The following MTBP variants were observed in gnomAD, a reference collection of about 807,000 sequenced individuals.
The protein encoded by MTBP is MDM2 binding protein, also known as mdm2-binding protein.
Under a neutral mutation model 117.0 loss-of-function variants are expected in MTBP, and 101 were observed. The observed-to-expected ratio is 0.86, with a 90% CI of 0.73 to 1.02. The LOEUF is 1.02. MTBP is among the 50% of genes least tolerant of loss of function. The pLI is 0.00. For missense variants in MTBP, 970 were observed against 1,030.9 expected (o/e 0.94, Z 0.81); for synonymous variants, 350 against 351.5 (o/e 1.00, Z 0.05).
chr8:120,468,724 G>A (rs916695753), intron 10 of MTBP, among the ~76,000 whole-genome samples: 4 of 152,096 alleles, frequency 2.6e-5, no homozygotes, highest in Admixed American at 2.6e-4. Context: ...GCATCTCATC[G>A]ATTTGCTGAG....
At position 120,446,453 on chromosome 8, in the gene MTBP, T is replaced by G. The variant is rs777316591; in HGVS notation, c.139T>G (p.Tyr47Asp). 6.2e-7 allele frequency: 1 copy of G among 1,609,480 alleles called. No homozygotes were observed. The highest frequency in any genetic ancestry group is 8.5e-7 in the Non-Finnish European group (1 of 1,176,060). The change falls in exon 2 of 22, where the codon TAT becomes GAT. Residue 47 changes from tyrosine to aspartate, a missense_variant. Tyr to Asp is a radical substitution (Grantham distance 160). Transcript: ENST00000305949. ...TTCAGACTTCACAGCAGCAAATGTT[T>G]ATCACCTCTTGAAAAGAAGCATTAG... ...NQPDFTAANV[Y>D]HLLKRSISAS...
chr8:120,489,953 T>C (rs540205998), intron 12 of MTBP, among the ~76,000 whole-genome samples: 1 of 152,166 alleles, frequency 6.6e-6, no homozygotes, highest in Non-Finnish European at 1.5e-5. Context: ...TATTTCAAGA[T>C]AGTACATTTC....
In MTBP at chr8:120,505,816, G is replaced by A. The variant is rs148851409; in HGVS notation, c.1728-890G>A. Among the ~76,000 whole-genome samples, 1,018 of 152,142 alleles carry A rather than the reference G, an allele frequency of 6.7e-3. 3 individuals are homozygous for A. The highest frequency in any genetic ancestry group is 0.028 in the South Asian group (133 of 4,820). ...GAAACTACAGTGCTTTTCACTTGCC[G>A]GTATTTAAAACTTTCTGTGAGTTTT... On this transcript the variant is annotated intron_variant, in intron 15 of 21. Coordinates refer to ENST00000305949, the MANE Select transcript of MTBP (RefSeq NM_022045.5).
At chr8:120,462,249 C>A (rs951851010) in intron 9 of MTBP, among the ~76,000 whole-genome samples, 1 of 152,068 alleles carries the variant, frequency 6.6e-6, no homozygotes, top group African/African-American at 2.4e-5. Context: ...ATTTTGGAAA[C>A]CTGAGCAAAG....
chr8:120,467,864 C>T (rs1586946308), intron 10 of MTBP, among the ~76,000 whole-genome samples: 2 of 152,202 alleles, frequency 1.3e-5, no homozygotes, highest in Admixed American at 1.3e-4. Context: ...TAGTCAATTT[C>T]AGTCTGTCTC....
chr8:120,499,488 C>T (rs1418842235), intron 14 of MTBP, among the ~76,000 whole-genome samples: 9 of 152,026 alleles, frequency 5.9e-5, no homozygotes, highest in Admixed American at 5.9e-4. Flanking sequence ...TGAAATTAGA[C>T]AGGCTATGCA....
In MTBP at chr8:120,455,589, T is replaced by A. The variant is rs189869227; in HGVS notation, c.629+10T>A. ...GAAATCATTGTGAAATGTAAGCTTC[T>A]TTGTTCATATTTGATTATTGTCTGC... On this transcript the variant is annotated intron_variant, in intron 6 of 21. Coordinates refer to ENST00000305949, the MANE Select transcript of MTBP (RefSeq NM_022045.5). 1 of 1,602,840 alleles carries A rather than the reference T, an allele frequency of 6.2e-7. No individual in the cohort carries two copies.
chr8:120,504,784 AT>A (rs1814658248), intron 15 of MTBP, among the ~76,000 whole-genome samples: 1 of 150,732 alleles, frequency 6.6e-6, no homozygotes, highest in South Asian at 2.1e-4. Flanking sequence ...TTTTAATTTG[AT>A]TTTTTTCTTA....
rs1449925798 is a variant in MTBP, at chr8:120,490,459, T to G, written c.1340-4T>G. 1 of 1,575,818 alleles carries G rather than the reference T, an allele frequency of 6.3e-7. No individual in the cohort carries two copies. Among genetic ancestry groups the G allele is most frequent in the Non-Finnish European group, 8.7e-7 (1 of 1,152,732 alleles). On this transcript the variant is annotated splice_polypyrimidine_tract_variant and splice_region_variant and intron_variant, in intron 12 of 21. Coordinates refer to ENST00000305949, the MANE Select transcript of MTBP (RefSeq NM_022045.5). ...GTTGACCTTTTTTTTTTCTTATTTC[T>G]CAGGTTTTCCTTTTGACTTATTATC...
At chr8:120,498,266 G>A (rs529944969) in intron 14 of MTBP, among the ~76,000 whole-genome samples, 1 of 152,296 alleles carries the variant, frequency 6.6e-6, no homozygotes, top group East Asian at 1.9e-4. Context: ...TGTGAGGATT[G>A]AATGAGTTGA....
intron 10 of MTBP, among the ~76,000 whole-genome samples, chr8:120,468,873 C>T (rs1173083193): frequency 6.6e-6 from 1 of 152,000 alleles, no homozygotes; most frequent in African/African-American, 2.4e-5. Context: ...AGCTTCTTTT[C>T]GGTCCAACCA....
chr8:120,453,970 T>C, intron 5 of MTBP, 65 bp downstream of exon 5: 1 of 981,018 alleles, frequency 1.0e-6, no homozygotes, highest in Non-Finnish European at 1.5e-6. Flanking sequence ...GAATAAATGA[T>C]AAATTTGTTC....
In MTBP at chr8:120,454,077, C is replaced by T. The variant is rs529710254; in HGVS notation, c.484+172C>T. On this transcript the variant is annotated intron_variant, in intron 5 of 21. Transcript: ENST00000305949. ...GAATGTATCCATGGGAGTACATTACCGAGATGTAGCAGTTCTTTTCATTGT... is the reference window on the plus strand; with the variant it reads ...GAATGTATCCATGGGAGTACATTACTGAGATGTAGCAGTTCTTTTCATTGT... 5.9e-5 allele frequency among the ~76,000 whole-genome samples: 9 copies of T among 151,872 alleles called. No individual in the cohort carries two copies. The South Asian group carries it at 6.3e-4, about 11-fold the overall frequency.
At chr8:120,462,040 G>T (rs1813591181) in intron 9 of MTBP, among the ~76,000 whole-genome samples, 1 of 152,164 alleles carries the variant, frequency 6.6e-6, no homozygotes, top group Admixed American at 6.5e-5. Context: ...TTAAAGAGTA[G>T]TGGTTTTTTG....
chr8:120,471,358 G>C (rs746230822), intron 11 of MTBP: 1 of 154,186 alleles, frequency 6.5e-6, no homozygotes, highest in Non-Finnish European at 1.4e-5. Flanking sequence ...GCTAGAGTGC[G>C]GTGGCACGAT....
At chr8:120,487,033 C>T (rs1814236325) in intron 11 of MTBP, among the ~76,000 whole-genome samples, 1 of 152,168 alleles carries the variant, frequency 6.6e-6, no homozygotes. Flanking sequence ...ACATAGATAA[C>T]TTTTTAAAGT....
At chr8:120,486,701 G>A (rs891541198) in intron 11 of MTBP, among the ~76,000 whole-genome samples, 3 of 152,084 alleles carry the variant, frequency 2.0e-5, no homozygotes, top group African/African-American at 7.2e-5. Flanking sequence ...CAGCCGCTTG[G>A]ATTGGAGTTT....
chr8:120,447,918 A>G (rs1813261716), intron 2 of MTBP, among the ~76,000 whole-genome samples: 3 of 135,174 alleles, frequency 2.2e-5, no homozygotes, highest in South Asian at 5.1e-4. Context: ...CCAATGTTTT[A>G]TTCTTCGATT....
intron 19 of MTBP, 144 bp from the exon 20 acceptor site, chr8:120,518,560 C>G (rs542024123): frequency 3.2e-4 from 168 of 519,738 alleles, no homozygotes; most frequent in African/African-American, 3.0e-3. Flanking sequence ...TCTTTTTTTT[C>G]TCAATCATTT....
Sources: allele counts gnomAD v4.1 joint callset (sites outside exome capture counted in the v4.1 genomes callset), GRCh38; gene constraint gnomAD v4.1.1; transcripts MANE v1.5; gene names NCBI Gene and HGNC (gene_info 2026-07-23, HGNC 2026-07-21).